Variants in PRKCQ observed in about 807,000 individuals in gnomAD.
The protein encoded by PRKCQ is protein kinase C theta.
Under a neutral mutation model 91.2 loss-of-function variants are expected in PRKCQ, and 41 were observed. The observed-to-expected ratio is 0.45, with a 90% CI of 0.35 to 0.58. The LOEUF is 0.58. PRKCQ is among the 20% of genes least tolerant of loss of function. The pLI is 0.00. For synonymous variants in PRKCQ, 307 were observed against 316.9 expected, an observed-to-expected ratio of 0.97 and a Z score of 0.33; for missense variants, 673 against 896.5, an observed-to-expected ratio of 0.75 and a Z score of 3.18.
chr10:6,491,849 T>C (rs764573251), intron 7 of PRKCQ, 37 bp from the exon 8 acceptor site: 5 of 1,613,790 alleles, frequency 3.1e-6, no homozygotes, highest in African/African-American at 1.3e-5. Context: ...TGTGTATTCC[T>C]GGGGCCCCGA....
Position 6,576,516 on chromosome 10 carries a change from T to C in PRKCQ, c.-10+3695A>G, listed in dbSNP as rs1841242697. Among the ~76,000 whole-genome samples, 1 of 152,034 alleles carries C rather than the reference T, an allele frequency of 6.6e-6. No individual in the cohort carries two copies. Among genetic ancestry groups the C allele is most frequent in the Admixed American group, 6.5e-5 (1 of 15,270 alleles). ...CAGTCAGAATCTTAGAGACAGGAAG[T>C]AGAAGGGTGGCTGCCAGGGGCTGAG... On this transcript the variant is annotated intron_variant, in intron 1 of 17. Transcript: ENST00000263125. This position sits in a 1 kb window ranked among gnomAD's most constrained non-coding sequence, Gnocchi z 4.2.
Position 6,478,990 on chromosome 10 carries a change from A to AC in PRKCQ, c.1353+1dup. The AC allele has an allele frequency of 6.2e-7, 1 of 1,613,902 alleles. No homozygotes were observed. Among genetic ancestry groups the AC allele is most frequent in the Non-Finnish European group, 8.5e-7 (1 of 1,179,892 alleles). On this transcript the variant is annotated splice_donor_variant, in intron 12 of 17. Transcript: ENST00000263125. LOFTEE classifies it high-confidence loss of function. Reference sequence around the variant, plus strand: ...GTAGGGTTGTCGGAGCAGAAGCCATACCTTGGTCTGGAATGTACAAAACAT... The same window carrying AC: ...GTAGGGTTGTCGGAGCAGAAGCCATACCCTTGGTCTGGAATGTACAAAACAT...
At chr10:6,485,055 G>C in intron 10 of PRKCQ, 97 bp downstream of exon 10, 7 of 1,075,280 alleles carry the variant, frequency 6.5e-6, no homozygotes, top group Non-Finnish European at 9.8e-6. Context: ...TCACCTATCA[G>C]ACCAGGTAAG....
chr10:6,511,403 A>G (rs1034444964), intron 2 of PRKCQ, among the ~76,000 whole-genome samples: 2 of 152,248 alleles, frequency 1.3e-5, no homozygotes, highest in African/African-American at 2.4e-5. Flanking sequence ...ATTGAACCTT[A>G]TAAGTCCAGC....
intron 1 of PRKCQ, among the ~76,000 whole-genome samples, chr10:6,525,088 A>G (rs778963474): frequency 6.6e-6 from 1 of 152,116 alleles, no homozygotes; most frequent in Non-Finnish European, 1.5e-5. Flanking sequence ...AGTCCCAACA[A>G]CTAATGACTT....
intron 7 of PRKCQ, 118 bp from the exon 8 acceptor site, chr10:6,491,930 A>G: frequency 7.1e-7 from 1 of 1,413,912 alleles, no homozygotes; most frequent in East Asian, 2.3e-5. Context: ...CATTGTGTGC[A>G]TTTTAAACCA....
chr10:6,428,487 A>G, intron 17 of PRKCQ, 125 bp from the exon 18 acceptor site: 1 of 971,294 alleles, frequency 1.0e-6, no homozygotes, highest in East Asian at 2.4e-5. Flanking sequence ...GAGACACTAA[A>G]TGGAGGCAAT....
At chr10:6,539,304 T>C (rs1411739871) in intron 1 of PRKCQ, among the ~76,000 whole-genome samples, 1 of 152,122 alleles carries the variant, frequency 6.6e-6, no homozygotes, top group East Asian at 1.9e-4. Flanking sequence ...CCCCAGGCCA[T>C]GGACCAGTGG....
chr10:6,500,878 G>C (rs1035316172), intron 4 of PRKCQ, among the ~76,000 whole-genome samples: 4 of 152,070 alleles, frequency 2.6e-5, no homozygotes, highest in Admixed American at 2.0e-4. Flanking sequence ...GTCAAGTCAG[G>C]GAGACGTGGC....
the PRKCQ span, among the ~76,000 whole-genome samples, chr10:6,402,584 A>T: frequency 6.6e-6 from 1 of 152,154 alleles, no homozygotes; most frequent in Non-Finnish European, 1.5e-5. Context: ...AGTGGCAGTA[A>T]CTACTTTTTC....
chr10:6,401,601 C>T, the PRKCQ span, among the ~76,000 whole-genome samples: 1 of 151,778 alleles, frequency 6.6e-6, no homozygotes, highest in Non-Finnish European at 1.5e-5. Context: ...TTACTGATTA[C>T]AACACCTGGG....
intron 12 of PRKCQ, among the ~76,000 whole-genome samples, chr10:6,471,036 G>A (rs1037371058): frequency 1.3e-5 from 2 of 152,098 alleles, no homozygotes; most frequent in African/African-American, 4.8e-5. Flanking sequence ...GAGAGGGGTG[G>A]GAAGAGGGTT....
intron 1 of PRKCQ, among the ~76,000 whole-genome samples, chr10:6,538,944 A>C (rs890747474): frequency 5.3e-5 from 8 of 152,138 alleles, no homozygotes; most frequent in Non-Finnish European, 8.8e-5. Context: ...TTTGTATTTT[A>C]GTAGAGATGG....
At chr10:6,476,936 C>T (rs1836297150) in intron 12 of PRKCQ, among the ~76,000 whole-genome samples, 1 of 152,150 alleles carries the variant, frequency 6.6e-6, no homozygotes. Flanking sequence ...CTGCAGGTGA[C>T]ATACCTTCAC....
At chr10:6,431,751 T>C (rs952550983) in intron 16 of PRKCQ, among the ~76,000 whole-genome samples, 1 of 152,240 alleles carries the variant, frequency 6.6e-6, no homozygotes, top group Non-Finnish European at 1.5e-5. Flanking sequence ...CAGTCAGCTT[T>C]GGACTCTACA....
chr10:6,563,154 GA>G, intron 1 of PRKCQ, among the ~76,000 whole-genome samples: 1 of 151,974 alleles, frequency 6.6e-6, no homozygotes, highest in Non-Finnish European at 1.5e-5. Flanking sequence ...TTTGGCTCAA[GA>G]GTGAAGATAT....
At chr10:6,489,798 G>T (rs192113664) in intron 8 of PRKCQ, among the ~76,000 whole-genome samples, 1 of 151,972 alleles carries the variant, frequency 6.6e-6, no homozygotes, top group African/African-American at 2.4e-5. Flanking sequence ...AGAATGGAGC[G>T]GAAAGGAAAG....
intron 10 of PRKCQ, 44 bp from the exon 11 acceptor site, chr10:6,483,644 G>C (rs987391704): frequency 2.2e-5 from 35 of 1,603,786 alleles, no homozygotes; most frequent in Non-Finnish European, 2.9e-5. Flanking sequence ...TGGAGTAATG[G>C]AGGTCATTCT....
At chr10:6,435,440 A>C (rs1239772397) in intron 16 of PRKCQ, among the ~76,000 whole-genome samples, 1 of 152,232 alleles carries the variant, frequency 6.6e-6, no homozygotes, top group Non-Finnish European at 1.5e-5. Flanking sequence ...AAAGCAAAGG[A>C]GGAATAGAGA....
Sources: allele counts gnomAD v4.1 joint callset (sites outside exome capture counted in the v4.1 genomes callset), GRCh38; gene constraint gnomAD v4.1.1; non-coding constraint Gnocchi (gnomAD v3.1); transcripts MANE v1.5; gene names NCBI Gene and HGNC (gene_info 2026-07-23, HGNC 2026-07-21).